HHAT: variants seen among roughly 807,000 people sequenced by gnomAD.
The protein encoded by HHAT is hedgehog acyltransferase.
Under a neutral mutation model 70.8 loss-of-function variants are expected in HHAT, and 47 were observed. That is an observed-to-expected ratio of 0.66 (90% CI 0.53 to 0.85). The LOEUF is 0.85. Among genes scored for constraint, HHAT ranks in the 40% least tolerant of loss-of-function variants. The pLI is 0.00. For synonymous variants in HHAT, 228 were observed against 247.6 expected (o/e 0.92, Z 0.74); for missense variants, 609 against 604.8 (o/e 1.01, Z -0.07).
chr1:210,389,497 G>A (rs2148150672), intron 4 of HHAT, among the ~76,000 whole-genome samples: 1 of 152,314 alleles, frequency 6.6e-6, no homozygotes, highest in Middle Eastern at 3.4e-3. Context: ...CCTGGTGGGA[G>A]GTGACTGAAT....
intron 3 of HHAT, among the ~76,000 whole-genome samples, chr1:210,382,662 G>A (rs1356272569): frequency 1.3e-5 from 2 of 152,208 alleles, no homozygotes; most frequent in Non-Finnish European, 2.9e-5. Context: ...AGTGCAATGA[G>A]GTCCACCTGG....
At chr1:210,664,208 A>C (rs1678407688) in intron 11 of HHAT, among the ~76,000 whole-genome samples, 1 of 152,204 alleles carries the variant, frequency 6.6e-6, no homozygotes, top group African/African-American at 2.4e-5. Flanking sequence ...TAGGCTTATT[A>C]AGATTAAAAC....
chr1:210,461,917 A>AAAATC (rs2093987297), intron 7 of HHAT, among the ~76,000 whole-genome samples: 1 of 152,332 alleles, frequency 6.6e-6, no homozygotes, highest in African/African-American at 2.4e-5. Flanking sequence ...AAAAAACCCC[A>AAAATC]AAATCAAGCC....
At chr1:210,530,241 G>A (rs1228780997) in intron 9 of HHAT, among the ~76,000 whole-genome samples, 2 of 152,064 alleles carry the variant, frequency 1.3e-5, no homozygotes, top group East Asian at 3.9e-4. Flanking sequence ...AACAGTAACC[G>A]TCCCAATAAG....
chr1:210,327,597 C>T (rs2084669201), upstream of HHAT, among the ~76,000 whole-genome samples: 2 of 152,074 alleles, frequency 1.3e-5, no homozygotes, highest in Admixed American at 6.5e-5. Context: ...CCTCTGCCGC[C>T]CGGGTTCAAG....
intron 2 of HHAT, among the ~76,000 whole-genome samples, chr1:210,353,456 A>T (rs1203162739): frequency 1.6e-3 from 91 of 58,024 alleles, no homozygotes; most frequent in African/African-American, 5.0e-3. Context: ...TTTTTTTTTA[A>T]AAAAAAGCAC....
At position 210,412,364 on chromosome 1, in the gene HHAT, G is replaced by A. The variant is rs955463349; in HGVS notation, c.685-5790G>A. Among the ~76,000 whole-genome samples the A allele has an allele frequency of 2.6e-4, 39 of 152,088 alleles. 1 individual carries two copies. Among genetic ancestry groups the A allele is most frequent in the African/African-American group, 9.2e-4 (38 of 41,394 alleles). On this transcript the variant is annotated intron_variant, in intron 6 of 11. Coordinates refer to ENST00000261458, the MANE Select transcript of HHAT (RefSeq NM_018194.6). Reference sequence around the variant, plus strand: ...TTAACTTGTTCCAGCACCAACTCAAGTGTCTGAAATCCAAAGTCTCATTTA... The same window carrying A: ...TTAACTTGTTCCAGCACCAACTCAAATGTCTGAAATCCAAAGTCTCATTTA...
chr1:210,403,391 C>T (rs573401587), intron 5 of HHAT, among the ~76,000 whole-genome samples: 2 of 152,316 alleles, frequency 1.3e-5, no homozygotes, highest in African/African-American at 4.8e-5. Flanking sequence ...GGACAATTAG[C>T]ATCAGTTATA....
At chr1:210,400,731 A>T (rs2092026774) in intron 5 of HHAT, 69 bp downstream of exon 5, 2 of 1,410,422 alleles carry the variant, frequency 1.4e-6, no homozygotes, top group South Asian at 2.7e-5. Context: ...ATCCCAGTAG[A>T]CACCTTGGTT....
intron 3 of HHAT, among the ~76,000 whole-genome samples, chr1:210,383,773 A>G (rs2090836138): frequency 6.6e-6 from 1 of 152,136 alleles, no homozygotes; most frequent in Non-Finnish European, 1.5e-5. Context: ...AAAACTCTCT[A>G]AAAGATAAGG....
At chr1:210,511,785 T>C (rs1371866915) in intron 8 of HHAT, among the ~76,000 whole-genome samples, 1 of 54,866 alleles carries the variant, frequency 1.8e-5, no homozygotes, top group Non-Finnish European at 4.5e-5. Flanking sequence ...CTGGTCTTTT[T>C]TTTTTTTTTT....
chr1:210,672,869 C>T (rs1680369260), intron 11 of HHAT, among the ~76,000 whole-genome samples: 1 of 152,264 alleles, frequency 6.6e-6, no homozygotes, highest in Non-Finnish European at 1.5e-5. Context: ...CTTCTGTGTG[C>T]TTACAAATGG....
chr1:210,568,656 G>A (rs1194958113), intron 9 of HHAT, among the ~76,000 whole-genome samples: 1 of 152,216 alleles, frequency 6.6e-6, no homozygotes, highest in African/African-American at 2.4e-5. Context: ...TCTAGAGGTT[G>A]CCATTGGTTA....
At chr1:210,495,946 G>A (rs1328511635) in intron 8 of HHAT, among the ~76,000 whole-genome samples, 2 of 140,422 alleles carry the variant, frequency 1.4e-5, no homozygotes, top group Non-Finnish European at 1.5e-5. Context: ...AGGAGGCAGA[G>A]GTTGCAGTGA....
chr1:210,554,883 T>C (rs1415670167), intron 9 of HHAT, among the ~76,000 whole-genome samples: 1 of 152,058 alleles, frequency 6.6e-6, no homozygotes, highest in East Asian at 1.9e-4. Context: ...GTTTGTTGAG[T>C]GGGTCCCCTG....
chr1:210,403,749 T>C (rs2092193514), intron 5 of HHAT, among the ~76,000 whole-genome samples: 2 of 152,204 alleles, frequency 1.3e-5, no homozygotes, highest in Admixed American at 6.5e-5. Flanking sequence ...TGTAGAAAAA[T>C]ATAGAAATTA....
At chr1:210,631,824 G>A (rs986026509) in intron 11 of HHAT, among the ~76,000 whole-genome samples, 1 of 152,200 alleles carries the variant, frequency 6.6e-6, no homozygotes, top group Admixed American at 6.5e-5. Flanking sequence ...TGGCATGATG[G>A]TCATTTATCT....
At chr1:210,668,591 A>T (rs936778210) in intron 11 of HHAT, among the ~76,000 whole-genome samples, 1 of 152,148 alleles carries the variant, frequency 6.6e-6, no homozygotes, top group Admixed American at 6.5e-5. Flanking sequence ...AGCCATGTGG[A>T]ACTGTGAATC....
rs1234441925 is a variant in HHAT, at chr1:210,408,862, C to T, written c.684+4183C>T. The stretch of plus-strand genomic sequence containing the variant: ...CATTTAGTCTGAGCCAGGCTTTATA[C>T]GTTCTAACTTAAAATGTTTGAGATG... On this transcript the variant is annotated intron_variant, in intron 6 of 11. Transcript: ENST00000261458. Among the ~76,000 whole-genome samples, 5 of 152,146 alleles carry T rather than the reference C, an allele frequency of 3.3e-5. No individual in the cohort carries two copies. In the South Asian group the frequency reaches 8.3e-4, roughly 25 times the overall value.
Sources: gnomAD v4.1 joint callset for allele counts (sites outside exome capture counted in the v4.1 genomes callset) on GRCh38, gnomAD v4.1.1 for gene constraint, MANE v1.5 for transcripts, NCBI Gene and HGNC (gene_info 2026-07-23, HGNC 2026-07-21) for gene names.